Variants in RASAL2 observed in about 807,000 individuals in gnomAD.
The protein encoded by RASAL2 is ras GTPase-activating protein nGAP.
A neutral mutation model predicts 128.9 loss-of-function variants in RASAL2; 58 were observed. The ratio of observed to expected loss-of-function variants is 0.45; its 90% CI spans 0.36 to 0.56. The LOEUF (loss-of-function observed/expected upper bound fraction) is 0.56, where lower values mean the gene tolerates loss of function less well. Among genes scored for constraint, RASAL2 ranks in the 20% least tolerant of loss-of-function variants. RASAL2 has a pLI of 0.00. For missense variants in RASAL2, 1,360 were observed against 1,601.6 expected, an observed-to-expected ratio of 0.85 and a Z score of 2.57; for synonymous variants, 561 against 580.8, an observed-to-expected ratio of 0.97 and a Z score of 0.49.
At chr1:178,270,593 G>C (rs1209276707) in intron 1 of RASAL2, among the ~76,000 whole-genome samples, 1 of 144,218 alleles carries the variant, frequency 6.9e-6, no homozygotes, top group Non-Finnish European at 1.5e-5. Flanking sequence ...TGTATTGTTT[G>C]TGTCTCCTTC....
chr1:178,169,359 C>T (rs1320072679), intron 1 of RASAL2, among the ~76,000 whole-genome samples: 1 of 152,086 alleles, frequency 6.6e-6, no homozygotes, highest in East Asian at 1.9e-4. Context: ...AGGAAGTGTT[C>T]ATTTATTTTT....
intron 1 of RASAL2, among the ~76,000 whole-genome samples, chr1:178,209,354 A>G (rs1412145531): frequency 6.6e-6 from 1 of 152,168 alleles, no homozygotes; most frequent in Admixed American, 6.5e-5. Context: ...GCTGAGGCAT[A>G]TTATCAAGTA....
intron 1 of RASAL2, among the ~76,000 whole-genome samples, chr1:178,158,617 C>T (rs879530099): frequency 6.6e-6 from 1 of 152,166 alleles, no homozygotes; most frequent in Admixed American, 6.6e-5. Flanking sequence ...AGCAAGTACT[C>T]CATAAATGGT....
At chr1:178,174,054 C>A (rs1434585948) in intron 1 of RASAL2, among the ~76,000 whole-genome samples, 1 of 151,906 alleles carries the variant, frequency 6.6e-6, no homozygotes, top group African/African-American at 2.4e-5. Flanking sequence ...ACAGATTTTA[C>A]TTAGTTGATG....
chr1:178,094,258 C>A lies in RASAL2; in HGVS notation c.-235C>A, dbSNP rs1448199650. The A allele has an allele frequency of 1.5e-5, 8 of 532,524 alleles. No homozygotes were observed. The highest frequency in any genetic ancestry group is 2.6e-5 in the Non-Finnish European group (8 of 306,748). The allele number at this position is 532,524 out of a possible 1,614,324, so 33.0% of individuals were successfully genotyped here. A position where few individuals can be genotyped will look rare whatever the true frequency, so the allele number is the denominator to read the frequency against. On this transcript the variant is annotated 5_prime_UTR_variant, in exon 1 of 18. Coordinates refer to ENST00000367649, the MANE Select transcript of RASAL2 (RefSeq NM_170692.4). ...CCGGACCCACCCTTGGTCGGGGCCA[C>A]GCTGGATCCTCCTCCCGGCCTGGGT...
chr1:178,103,080 A>G (rs1053067097), intron 1 of RASAL2, among the ~76,000 whole-genome samples: 4 of 152,180 alleles, frequency 2.6e-5, no homozygotes, highest in African/African-American at 7.2e-5. Flanking sequence ...CTGAAATGAT[A>G]TCATAGGTTT....
chr1:178,243,189 A>G (rs564387222), intron 1 of RASAL2, among the ~76,000 whole-genome samples: 2 of 152,276 alleles, frequency 1.3e-5, no homozygotes, highest in South Asian at 4.1e-4. Flanking sequence ...CTGTGCTTCC[A>G]GTGACAATTT....
At chr1:178,441,206 T>C (rs1428594577) in intron 6 of RASAL2, among the ~76,000 whole-genome samples, 1 of 152,202 alleles carries the variant, frequency 6.6e-6, no homozygotes, top group Non-Finnish European at 1.5e-5. Context: ...GTTCATAGCA[T>C]ATGTCTAACT....
At chr1:178,291,021 A>G (rs1667258674) in intron 2 of RASAL2, among the ~76,000 whole-genome samples, 1 of 152,150 alleles carries the variant, frequency 6.6e-6, no homozygotes, top group Non-Finnish European at 1.5e-5. Flanking sequence ...ATTAACTGAG[A>G]TATGGCCTAG....
At chr1:178,216,851 A>T (rs150283415) in intron 1 of RASAL2, among the ~76,000 whole-genome samples, 1 of 152,222 alleles carries the variant, frequency 6.6e-6, no homozygotes, top group Non-Finnish European at 1.5e-5. Flanking sequence ...GTTGAAGAAG[A>T]TAGTGTTCAA....
intron 15 of RASAL2, among the ~76,000 whole-genome samples, chr1:178,464,799 A>C (rs1213300287): frequency 1.8e-5 from 1 of 56,582 alleles, no homozygotes; most frequent in Admixed American, 1.5e-4. Context: ...CTTTTTGTTT[A>C]TCTTGGTAAC....
intron 6 of RASAL2, 45 bp downstream of exon 6, chr1:178,439,620 T>TTGGATTTTA: frequency 6.3e-7 from 1 of 1,580,140 alleles, no homozygotes; most frequent in Non-Finnish European, 8.6e-7. Context: ...TAAACAACAA[T>TTGGATTTTA]TGGATTTTAT....
intron 1 of RASAL2, among the ~76,000 whole-genome samples, chr1:178,223,443 A>T (rs1663685734): frequency 6.6e-6 from 1 of 152,170 alleles, no homozygotes; most frequent in Non-Finnish European, 1.5e-5. Context: ...GTTGCAGAGA[A>T]CAGGATGAGC....
intron 3 of RASAL2, among the ~76,000 whole-genome samples, chr1:178,328,034 A>G (rs573540025): frequency 3.2e-4 from 49 of 152,250 alleles, no homozygotes; most frequent in African/African-American, 1.2e-3. Flanking sequence ...CTATGCCTTG[A>G]TTTTGGACTT....
chr1:178,160,566 C>T (rs1016583257), intron 1 of RASAL2, among the ~76,000 whole-genome samples: 3 of 152,018 alleles, frequency 2.0e-5, no homozygotes, highest in Non-Finnish European at 2.9e-5. Context: ...ACCTGGGAGG[C>T]GGAGGTTGCA....
chr1:178,233,998 A>G (rs923449274), intron 1 of RASAL2, among the ~76,000 whole-genome samples: 3 of 152,228 alleles, frequency 2.0e-5, no homozygotes, highest in Admixed American at 6.5e-5. Context: ...TAAAACAAAT[A>G]TATTTAATTA....
intron 3 of RASAL2, among the ~76,000 whole-genome samples, chr1:178,309,136 T>C (rs1321160588): frequency 6.6e-6 from 1 of 152,162 alleles, no homozygotes; most frequent in Non-Finnish European, 1.5e-5. Flanking sequence ...TTTATGGTGA[T>C]ATATTAATAC....
At chr1:178,465,235 A>G (rs1484875635) in intron 15 of RASAL2, among the ~76,000 whole-genome samples, 1 of 152,220 alleles carries the variant, frequency 6.6e-6, no homozygotes, top group Non-Finnish European at 1.5e-5. Context: ...AGCAATATTA[A>G]TTGGCCCTAG....
intron 1 of RASAL2, among the ~76,000 whole-genome samples, chr1:178,162,050 C>T (rs867539421): frequency 5.3e-5 from 8 of 150,216 alleles, no homozygotes; most frequent in Admixed American, 2.0e-4. Context: ...CTGCAAGCTC[C>T]GCCTCTCAGC....
Sources: allele counts gnomAD v4.1 joint callset (sites outside exome capture counted in the v4.1 genomes callset), GRCh38; gene constraint gnomAD v4.1.1; transcripts MANE v1.5; gene names NCBI Gene and HGNC (gene_info 2026-07-23, HGNC 2026-07-21).